KIAA0319L: variants seen among roughly 807,000 people sequenced by gnomAD.
KIAA0319L encodes the protein dyslexia-associated protein KIAA0319-like protein.
Under a neutral mutation model 120.1 loss-of-function variants are expected in KIAA0319L, and 55 were observed. The ratio of observed to expected loss-of-function variants is 0.46; its 90% CI spans 0.37 to 0.57. The LOEUF (loss-of-function observed/expected upper bound fraction) is 0.57. KIAA0319L is among the 20% of genes least tolerant of loss of function. The pLI is 0.00. For synonymous variants in KIAA0319L, 398 were observed against 471.9 expected, an observed-to-expected ratio of 0.84 and a Z score of 2.03; for missense variants, 1,049 against 1,255.3, an observed-to-expected ratio of 0.84 and a Z score of 2.48.
chr1:35,454,834 G>A (rs765974068), intron 10 of KIAA0319L: 3 of 209,184 alleles, frequency 1.4e-5, no homozygotes, highest in Non-Finnish European at 2.9e-5. Flanking sequence ...AAATGACCCA[G>A]TTTTAAAAAC....
rs748440748 is a variant in KIAA0319L, at chr1:35,506,962, T to G, written c.316A>C (p.Ile106Leu). ...TGGGGCCTGCTGCAGTCTGCCTGAA[T>G]GCACATCCCTTCTAGCCACCAAAAG... ...HVFWWLEGMC[I>L]QADCSRPQSC... is the part of the protein sequence containing the mutation. The change falls in exon 3 of 21, where the codon ATT (isoleucine) becomes CTT (leucine). Residue 106 changes from isoleucine to leucine, a missense_variant. By Grantham distance (5) the Ile-to-Leu change is conservative (BLOSUM62 2). Transcript: ENST00000325722. The surrounding 1 kb of genome is among the most constrained non-coding windows in gnomAD (Gnocchi z 4.0). The G allele has an allele frequency of 2.9e-5, 47 of 1,613,702 alleles. No homozygotes were observed. Among genetic ancestry groups the G allele is most frequent in the Non-Finnish European group, 3.9e-5 (46 of 1,179,898 alleles).
chr1:35,459,521 C>T (rs928719892), intron 9 of KIAA0319L, among the ~76,000 whole-genome samples: 16 of 151,562 alleles, frequency 1.1e-4, no homozygotes, highest in Admixed American at 2.6e-4. Context: ...GGCATGAATC[C>T]GGGAGGCAGA....
chr1:35,442,816 T>G, intron 18 of KIAA0319L, 90 bp downstream of exon 18: 1 of 1,500,720 alleles, frequency 6.7e-7, no homozygotes, highest in Non-Finnish European at 9.2e-7. Context: ...TGCCTGCTCA[T>G]CTGCTTCAGA....
intron 14 of KIAA0319L, 129 bp from the exon 15 acceptor site, chr1:35,450,134 C>T (rs771444189): frequency 3.1e-5 from 36 of 1,170,658 alleles, no homozygotes; most frequent in South Asian, 4.1e-5. Context: ...GTTCCTGATA[C>T]GGAACAGCAT....
chr1:35,548,133 A>C (rs943867239), intron 2 of KIAA0319L, among the ~76,000 whole-genome samples: 1 of 151,922 alleles, frequency 6.6e-6, no homozygotes, highest in African/African-American at 2.4e-5. Context: ...AAAAAAAAAA[A>C]AACTTCCTCT....
intron 2 of KIAA0319L, among the ~76,000 whole-genome samples, chr1:35,531,109 G>A (rs1262784929): frequency 6.6e-6 from 1 of 152,256 alleles, no homozygotes; most frequent in Non-Finnish European, 1.5e-5. Context: ...GGCAGCAGCA[G>A]TGGCTGTAGC....
At chr1:35,557,099 C>T (rs962807074) in intron 1 of KIAA0319L, 108 bp downstream of exon 1, 2 of 156,270 alleles carry the variant, frequency 1.3e-5, no homozygotes, top group African/African-American at 4.8e-5. Context: ...GGCGCCACCT[C>T]CGGACCCAAC....
At chr1:35,511,675 A>T (rs1041486109) in intron 2 of KIAA0319L, among the ~76,000 whole-genome samples, 1 of 152,234 alleles carries the variant, frequency 6.6e-6, no homozygotes, top group African/African-American at 2.4e-5. Flanking sequence ...CAAAGAGGAG[A>T]TATTTAATAA....
chr1:35,436,263 T>C (rs1640781916), intron 20 of KIAA0319L, among the ~76,000 whole-genome samples: 1 of 152,208 alleles, frequency 6.6e-6, no homozygotes, highest in South Asian at 2.1e-4. Flanking sequence ...GCGCCTGCCA[T>C]TCAGGACCAC....
chr1:35,468,861 A>T (rs1643440866), intron 6 of KIAA0319L, among the ~76,000 whole-genome samples: 1 of 152,152 alleles, frequency 6.6e-6, no homozygotes, highest in African/African-American at 2.4e-5. Flanking sequence ...ACCATTTAAT[A>T]CCTTTGTGAA....
intron 2 of KIAA0319L, among the ~76,000 whole-genome samples, chr1:35,511,942 C>T (rs575289709): frequency 1.3e-5 from 2 of 152,184 alleles, no homozygotes; most frequent in African/African-American, 4.8e-5. Context: ...AACAATGAAG[C>T]TATTTTTGTT....
intron 2 of KIAA0319L, among the ~76,000 whole-genome samples, chr1:35,513,787 C>T (rs1173719644): frequency 6.6e-6 from 1 of 152,128 alleles, no homozygotes; most frequent in Non-Finnish European, 1.5e-5. Context: ...CACTGATTCC[C>T]TTACTCATGA....
intron 10 of KIAA0319L, 124 bp from the exon 11 acceptor site, chr1:35,454,609 C>A: frequency 6.8e-7 from 1 of 1,462,434 alleles, no homozygotes; most frequent in Non-Finnish European, 9.1e-7. Flanking sequence ...TGGGCTATTA[C>A]GTACCAGTTC....
chr1:35,505,123 C>A (rs1645161432), intron 3 of KIAA0319L, among the ~76,000 whole-genome samples: 1 of 151,960 alleles, frequency 6.6e-6, no homozygotes, highest in Admixed American at 6.6e-5. Flanking sequence ...CTGTATTTAC[C>A]CTCTCATTAC....
At position 35,442,977 on chromosome 1, in the gene KIAA0319L, C is replaced by T. The variant is rs370622628; in HGVS notation, c.2708G>A (p.Arg903His). ...CATCCAAAAAGGGTCACAGATACAG[C>T]GTTTGGTGAACGAGTCACAGTGGCC... Reference protein sequence around the residue: ...DHGHCDSFTKRCICDPFWMEN... With the variant: ...DHGHCDSFTKHCICDPFWMEN... Residue 903 changes from arginine (R) to histidine (H), a missense_variant, in exon 18 of 21, where the codon CGC (arginine) becomes CAC (histidine). Physicochemically the swap from Arg to His is conservative, Grantham distance 29 (BLOSUM62 0). Transcript: ENST00000325722. 1.1e-5 allele frequency: 17 copies of T among 1,614,010 alleles called. No homozygotes were observed. Among genetic ancestry groups the T allele is most frequent in the African/African-American group, 1.3e-5 (1 of 74,902 alleles).
At chr1:35,535,119 A>AAC (rs1413170146) in intron 2 of KIAA0319L, among the ~76,000 whole-genome samples, 3 of 149,998 alleles carry the variant, frequency 2.0e-5, no homozygotes, top group Non-Finnish European at 4.5e-5. Context: ...AAAAAAAAAA[A>AAC]AAAAAGAATA....
In KIAA0319L at chr1:35,507,016, C is replaced by T; in HGVS notation, c.262G>A (p.Ala88Thr). 3 of 1,612,486 alleles carry T rather than the reference C, an allele frequency of 1.9e-6. No homozygotes were observed. Among genetic ancestry groups the T allele is most frequent in the South Asian group, 2.2e-5 (2 of 90,850 alleles). ...TGGCAGGCAGAGTCCTGGCAGCAGGCAGCCCAACATGACTGGAGAGAGGGG... is the reference window on the plus strand; with the variant it reads ...TGGCAGGCAGAGTCCTGGCAGCAGGTAGCCCAACATGACTGGAGAGAGGGG... ...GTPSLQSCWA[A>T]CCQDSACHVF... is the part of the protein sequence containing the mutation. Residue 88 changes from alanine to threonine, a missense_variant, in exon 3 of 21, where the codon GCC (alanine) becomes ACC (threonine). Transcript: ENST00000325722.
chr1:35,450,277 CT>C, intron 14 of KIAA0319L, 80 bp downstream of exon 14: 1 of 1,431,840 alleles, frequency 7.0e-7, no homozygotes, highest in Non-Finnish European at 9.6e-7. Flanking sequence ...TAAGGGACCA[CT>C]TGATTAAAGC....
At chr1:35,458,079 C>A (rs1403920842) in intron 9 of KIAA0319L, among the ~76,000 whole-genome samples, 1 of 152,066 alleles carries the variant, frequency 6.6e-6, no homozygotes, top group African/African-American at 2.4e-5. Context: ...GGGACTACAG[C>A]TACCTGCCAC....
Sources: gnomAD v4.1 joint callset for allele counts (sites outside exome capture counted in the v4.1 genomes callset) on GRCh38, gnomAD v4.1.1 for gene constraint, Gnocchi (gnomAD v3.1) non-coding constraint, MANE v1.5 for transcripts, NCBI Gene and HGNC (gene_info 2026-07-23, HGNC 2026-07-21) for gene names.